The following RANBP2 variants were observed in gnomAD, a reference collection of about 807,000 sequenced individuals.
RANBP2 encodes the protein RAN binding protein 2.
RANBP2 carries 57 observed loss-of-function variants against 303.6 expected under a neutral mutation model. The observed-to-expected ratio is 0.19, with a 90% CI of 0.15 to 0.23. The LOEUF is 0.23. RANBP2 is among the 10% of genes least tolerant of loss of function. The pLI, the probability that RANBP2 is intolerant of heterozygous loss-of-function variation, is 1.00. For missense variants in RANBP2, 3,138 were observed against 3,780.8 expected (o/e 0.83, Z 4.46); for synonymous variants, 1,167 against 1,301.5 (o/e 0.90, Z 2.23).
At chr2:108,904,743 A>C in the RANBP2 span, among the ~76,000 whole-genome samples, 1 of 152,342 alleles carries the variant, frequency 6.6e-6, no homozygotes, top group African/African-American at 2.4e-5. Flanking sequence ...TTCCACTTTT[A>C]TAACACTCTT....
chr2:108,846,755 A>G, the RANBP2 span: 1 of 1,610,392 alleles, frequency 6.2e-7, no homozygotes, highest in Non-Finnish European at 8.5e-7. Flanking sequence ...CTATGACATC[A>G]ACATTGAGGA....
the RANBP2 span, among the ~76,000 whole-genome samples, chr2:109,646,265 A>G: frequency 1.3e-5 from 2 of 152,332 alleles, no homozygotes; most frequent in South Asian, 2.1e-4. Context: ...AGACGCTCAC[A>G]TCGGGTGCAA....
the RANBP2 span, among the ~76,000 whole-genome samples, chr2:109,047,002 C>G: frequency 2.2e-4 from 33 of 152,296 alleles, no homozygotes; most frequent in African/African-American, 7.5e-4. Flanking sequence ...CCGGCCTGCC[C>G]TGCCCTGCCC....
the RANBP2 span, among the ~76,000 whole-genome samples, chr2:109,249,573 T>TTCCG: frequency 7.3e-6 from 1 of 137,434 alleles, no homozygotes; most frequent in African/African-American, 2.9e-5. Flanking sequence ...CCTTCCTTCC[T>TTCCG]TCCTTCCTTC....
At chr2:109,656,402 A>G in the RANBP2 span, among the ~76,000 whole-genome samples, 2 of 152,172 alleles carry the variant, frequency 1.3e-5, no homozygotes, top group African/African-American at 4.8e-5. Context: ...AAGTGGCACT[A>G]TCTTGGCTCA....
the RANBP2 span, among the ~76,000 whole-genome samples, chr2:108,938,672 T>A: frequency 1.3e-5 from 2 of 152,188 alleles, no homozygotes; most frequent in Non-Finnish European, 2.9e-5. Flanking sequence ...AAAAAATCCC[T>A]ACTTTTTTGC....
At chr2:109,160,072 A>G in the RANBP2 span, among the ~76,000 whole-genome samples, 9 of 152,150 alleles carry the variant, frequency 5.9e-5, no homozygotes, top group African/African-American at 2.2e-4. Flanking sequence ...CTTGGTGCCA[A>G]AAAGGTTGGA....
chr2:109,659,507 T>C, the RANBP2 span, among the ~76,000 whole-genome samples: 1 of 152,308 alleles, frequency 6.6e-6, no homozygotes, highest in Middle Eastern at 3.4e-3. Flanking sequence ...AGGGCTGCAG[T>C]GCAGGTGGTC....
At chr2:109,301,962 G>A in the RANBP2 span, among the ~76,000 whole-genome samples, 2 of 152,212 alleles carry the variant, frequency 1.3e-5, no homozygotes, top group African/African-American at 2.4e-5. Flanking sequence ...TCTCCTGCAT[G>A]TCTTCCTGGA....
chr2:108,905,718 T>C, the RANBP2 span, among the ~76,000 whole-genome samples: 3 of 152,064 alleles, frequency 2.0e-5, no homozygotes, highest in South Asian at 6.2e-4. Context: ...ATTTAGAAAG[T>C]GGATTTTGCA....
the RANBP2 span, among the ~76,000 whole-genome samples, chr2:109,692,012 G>A: frequency 6.6e-6 from 1 of 151,974 alleles, no homozygotes; most frequent in Non-Finnish European, 1.5e-5. Context: ...TTGAACTCCC[G>A]ACCTCATGAT....
At chr2:109,233,137 C>T in the RANBP2 span, among the ~76,000 whole-genome samples, 1 of 152,174 alleles carries the variant, frequency 6.6e-6, no homozygotes, top group Admixed American at 6.5e-5. Context: ...CAGTTGCTGT[C>T]CATGGATGGC....
the RANBP2 span, among the ~76,000 whole-genome samples, chr2:108,836,649 G>A: frequency 1.3e-5 from 2 of 152,122 alleles, no homozygotes; most frequent in African/African-American, 4.8e-5. Flanking sequence ...AGATCGCTTT[G>A]GGTAGCATGG....
At chr2:108,826,958 T>C in the RANBP2 span, among the ~76,000 whole-genome samples, 1 of 152,220 alleles carries the variant, frequency 6.6e-6, no homozygotes, top group Non-Finnish European at 1.5e-5. Context: ...TTTGTACTTA[T>C]TTTGAAAAGT....
the RANBP2 span, among the ~76,000 whole-genome samples, chr2:109,456,833 C>T: frequency 6.6e-6 from 1 of 152,244 alleles, no homozygotes; most frequent in Admixed American, 6.5e-5. Context: ...GCCCACTCCC[C>T]ATTCTCTGCT....
chr2:109,529,467 C>G, the RANBP2 span, among the ~76,000 whole-genome samples: 8 of 152,016 alleles, frequency 5.3e-5, no homozygotes, highest in Non-Finnish European at 2.9e-5. Flanking sequence ...AGCCCCTGCA[C>G]GGGGAAGGAG....
the RANBP2 span, among the ~76,000 whole-genome samples, chr2:108,850,915 A>G: frequency 2.6e-5 from 4 of 152,166 alleles, no homozygotes; most frequent in East Asian, 7.7e-4. Flanking sequence ...AGCTGCTCCA[A>G]TTCACTTCTG....
At chr2:108,831,533 T>C in the RANBP2 span, among the ~76,000 whole-genome samples, 1 of 152,210 alleles carries the variant, frequency 6.6e-6, no homozygotes, top group Non-Finnish European at 1.5e-5. Context: ...ATGAAATGGC[T>C]AGGAAAAGAC....
chr2:109,427,227 C>A, the RANBP2 span, among the ~76,000 whole-genome samples: 1 of 152,114 alleles, frequency 6.6e-6, no homozygotes, highest in Admixed American at 6.5e-5. Flanking sequence ...CCTCAGGCTA[C>A]CAAAGTGCTG....
Sources: allele counts gnomAD v4.1 joint callset (sites outside exome capture counted in the v4.1 genomes callset), GRCh38; gene constraint gnomAD v4.1.1; transcripts MANE v1.5; gene names NCBI Gene and HGNC (gene_info 2026-07-23, HGNC 2026-07-21).